CALN1: variants seen among roughly 807,000 people sequenced by gnomAD.
CALN1 encodes the protein calneuron 1, also known as calcium-binding protein 8.
CALN1 carries 17 observed loss-of-function variants against 30.6 expected under a neutral mutation model. The ratio of observed to expected loss-of-function variants is 0.56; its 90% confidence interval spans 0.38 to 0.83. The LOEUF (loss-of-function observed/expected upper bound fraction) is 0.83. CALN1 is among the 40% of genes least tolerant of loss of function. The pLI is 0.00. For synonymous variants in CALN1, 156 were observed against 131.4 expected, an observed-to-expected ratio of 1.19 and a Z score of -1.28; for missense variants, 291 against 354.9, an observed-to-expected ratio of 0.82 and a Z score of 1.45.
At chr7:72,475,072 T>G in the CALN1 span, among the ~76,000 whole-genome samples, 1 of 152,226 alleles carries the variant, frequency 6.6e-6, no homozygotes, top group East Asian at 1.9e-4. Context: ...GTTCTTAACA[T>G]GCACCGGGCT....
At chr7:72,386,772 G>A (rs190732004) in intron 2 of CALN1, among the ~76,000 whole-genome samples, 2 of 152,102 alleles carry the variant, frequency 1.3e-5, no homozygotes, top group Admixed American at 1.3e-4. Flanking sequence ...AGTAGCTGGG[G>A]CTACAGGGGC....
At chr7:72,380,526 G>C (rs1273996608) in intron 2 of CALN1, among the ~76,000 whole-genome samples, 1 of 152,164 alleles carries the variant, frequency 6.6e-6, no homozygotes, top group African/African-American at 2.4e-5. Flanking sequence ...AGGAGGCTGA[G>C]GCAGGAGGAT....
intron 5 of CALN1, among the ~76,000 whole-genome samples, chr7:71,983,188 C>A (rs1368951279): frequency 6.6e-6 from 1 of 152,182 alleles, no homozygotes; most frequent in Non-Finnish European, 1.5e-5. Flanking sequence ...GCAAGCTATT[C>A]TCCTTTCTCT....
chr7:72,066,248 G>A (rs1338205778), intron 4 of CALN1, among the ~76,000 whole-genome samples: 1 of 152,170 alleles, frequency 6.6e-6, no homozygotes, highest in African/African-American at 2.4e-5. Flanking sequence ...CTGGCTTCAG[G>A]GAAGCACTGC....
chr7:71,781,520 T>C lies in CALN1; in HGVS notation c.*6255A>G, dbSNP rs1489758409. 1.3e-5 allele frequency: 2 copies of C among 152,224 alleles called. No individual in the cohort carries two copies. Among genetic ancestry groups the C allele is most frequent in the African/African-American group, 4.8e-5 (2 of 41,438 alleles). The allele number at this position is 152,224 out of a possible 1,614,324, so 9.4% of individuals were successfully genotyped here. A position where few individuals can be genotyped will look rare whatever the true frequency, so the allele number is the denominator to read the frequency against. On this transcript the variant is annotated 3_prime_UTR_variant, in exon 7 of 7. Transcript: ENST00000395275. ...GCATGTTTCCAAAGTAGGCCAGCGA[T>C]CCAGAGAAGACCTTCAGAGGACAGC...
chr7:72,026,920 C>T (rs1801096311), intron 4 of CALN1, among the ~76,000 whole-genome samples: 1 of 152,140 alleles, frequency 6.6e-6, no homozygotes, highest in African/African-American at 2.4e-5. Context: ...GATAGACATG[C>T]TTGTTACATT....
chr7:71,932,469 A>G (rs1363545297), intron 5 of CALN1, among the ~76,000 whole-genome samples: 2 of 152,056 alleles, frequency 1.3e-5, no homozygotes, highest in Non-Finnish European at 2.9e-5. Context: ...GCCTGGTGGT[A>G]AAATGGTTTA....
At chr7:72,306,303 C>T (rs6970677) in intron 2 of CALN1, among the ~76,000 whole-genome samples, 47,010 of 152,032 alleles carry the variant, frequency 0.31, 7,831 homozygotes, top group Non-Finnish European at 0.37. Context: ...CCCTCCCAAT[C>T]CTGAAGAGAT....
chr7:72,470,437 G>T, the CALN1 span, among the ~76,000 whole-genome samples: 1 of 152,082 alleles, frequency 6.6e-6, no homozygotes, highest in South Asian at 2.1e-4. Flanking sequence ...CCAACAAATA[G>T]CATCAAATGG....
At chr7:72,153,742 G>C (rs1305342759) in intron 3 of CALN1, among the ~76,000 whole-genome samples, 1 of 152,106 alleles carries the variant, frequency 6.6e-6, no homozygotes, top group Non-Finnish European at 1.5e-5. Context: ...TCTGAGTAAG[G>C]GGAGGTCTGT....
At chr7:71,884,280 C>A (rs1282518527) in intron 5 of CALN1, among the ~76,000 whole-genome samples, 2 of 152,126 alleles carry the variant, frequency 1.3e-5, no homozygotes, top group African/African-American at 4.8e-5. Context: ...ATAGACCCGC[C>A]CACCTTGAAA....
chr7:72,266,096 C>T (rs1202231529), intron 3 of CALN1, among the ~76,000 whole-genome samples: 2 of 151,710 alleles, frequency 1.3e-5, no homozygotes, highest in African/African-American at 2.4e-5. Context: ...AAGGCACCAC[C>T]ACATTCCAGC....
chr7:72,059,206 T>C (rs1324356483), intron 4 of CALN1, among the ~76,000 whole-genome samples: 2 of 152,200 alleles, frequency 1.3e-5, no homozygotes, highest in Non-Finnish European at 2.9e-5. Flanking sequence ...CTTCAAAATC[T>C]GTCTCCATCT....
chr7:72,199,141 G>C (rs1422349745), intron 3 of CALN1, among the ~76,000 whole-genome samples: 1 of 152,152 alleles, frequency 6.6e-6, no homozygotes, highest in African/African-American at 2.4e-5. Flanking sequence ...TGGGCGTGGT[G>C]GTGGGCGCCT....
intron 5 of CALN1, among the ~76,000 whole-genome samples, chr7:71,845,295 A>G (rs1219954919): frequency 6.6e-6 from 1 of 152,240 alleles, no homozygotes; most frequent in Non-Finnish European, 1.5e-5. Context: ...ATACTGACGA[A>G]TTCCATTCAT....
chr7:71,989,427 A>AG (rs1367461942), intron 5 of CALN1, among the ~76,000 whole-genome samples: 1 of 148,032 alleles, frequency 6.8e-6, no homozygotes, highest in Non-Finnish European at 1.5e-5. Flanking sequence ...CAACGGAGTG[A>AG]GATTCCATCT....
At chr7:72,244,019 T>C (rs920311732) in intron 3 of CALN1, among the ~76,000 whole-genome samples, 7 of 152,200 alleles carry the variant, frequency 4.6e-5, no homozygotes, top group Admixed American at 4.6e-4. Context: ...AATTCTCCCA[T>C]CCTGCTGAAT....
At chr7:72,333,392 T>A (rs918686307) in intron 2 of CALN1, among the ~76,000 whole-genome samples, 9 of 152,246 alleles carry the variant, frequency 5.9e-5, no homozygotes, top group Non-Finnish European at 1.2e-4. Flanking sequence ...TTAATTCACA[T>A]TGAAAAACCC....
At chr7:72,296,542 CT>C (rs1798874834) in intron 2 of CALN1, among the ~76,000 whole-genome samples, 1 of 149,710 alleles carries the variant, frequency 6.7e-6, no homozygotes, top group South Asian at 2.1e-4. Context: ...ATTTCAGCTC[CT>C]GTTATTGGTC....
Sources: gnomAD v4.1 joint callset for allele counts (sites outside exome capture counted in the v4.1 genomes callset) on GRCh38, gnomAD v4.1.1 for gene constraint, MANE v1.5 for transcripts, NCBI Gene and HGNC (gene_info 2026-07-23, HGNC 2026-07-21) for gene names.